The following PRKD1 variants were observed in gnomAD, a reference collection of about 807,000 sequenced individuals.
PRKD1 encodes the protein protein kinase D1, also known as serine/threonine-protein kinase D1.
Under a neutral mutation model 95.9 loss-of-function variants are expected in PRKD1, and 63 were observed. The ratio of observed to expected loss-of-function variants is 0.66; its 90% CI spans 0.54 to 0.81. The LOEUF (loss-of-function observed/expected upper bound fraction) is 0.81, where lower values mean the gene tolerates loss of function less well. Ranked by LOEUF, PRKD1 falls within the 30% of genes least tolerant of loss-of-function variation. PRKD1 has a pLI of 0.00. For missense variants in PRKD1, 1,048 were observed against 1,165.3 expected (o/e 0.90, Z 1.47); for synonymous variants, 425 against 423.1 (o/e 1.00, Z -0.05).
chr14:29,675,761 A>C (rs1268229821), intron 2 of PRKD1, among the ~76,000 whole-genome samples: 1 of 152,146 alleles, frequency 6.6e-6, no homozygotes, highest in Non-Finnish European at 1.5e-5. Context: ...TGGATTAAGA[A>C]AATGTGGCAC....
intron 1 of PRKD1, among the ~76,000 whole-genome samples, chr14:29,922,573 TGAAAA>T (rs937867350): frequency 6.6e-5 from 10 of 152,094 alleles, no homozygotes; most frequent in African/African-American, 2.4e-4. Flanking sequence ...TTATTAAACT[TGAAAA>T]GAAATTTAAA....
At chr14:29,699,307 A>T (rs1594439538) in intron 2 of PRKD1, among the ~76,000 whole-genome samples, 1 of 152,124 alleles carries the variant, frequency 6.6e-6, no homozygotes, top group Non-Finnish European at 1.5e-5. Flanking sequence ...ATTTCCCTGT[A>T]CCCTCATCAG....
intron 13 of PRKD1, among the ~76,000 whole-genome samples, chr14:29,617,195 T>C (rs1485711009): frequency 2.0e-5 from 3 of 152,208 alleles, no homozygotes; most frequent in Non-Finnish European, 4.4e-5. Flanking sequence ...TTATCCAGTC[T>C]ACCATTTTTC....
chr14:29,825,894 T>A (rs1357006799), intron 1 of PRKD1, among the ~76,000 whole-genome samples: 1 of 151,994 alleles, frequency 6.6e-6, no homozygotes, highest in Non-Finnish European at 1.5e-5. Context: ...AAAACAAAAA[T>A]GAACACCTAT....
intron 1 of PRKD1, among the ~76,000 whole-genome samples, chr14:29,800,656 G>C (rs907626167): frequency 9.2e-5 from 14 of 152,242 alleles, no homozygotes; most frequent in African/African-American, 2.6e-4. Flanking sequence ...TCTACACATA[G>C]ACATGCTGAT....
intron 1 of PRKD1, among the ~76,000 whole-genome samples, chr14:29,846,587 TA>T (rs1308153465): frequency 6.6e-6 from 1 of 152,186 alleles, no homozygotes; most frequent in Non-Finnish European, 1.5e-5. Flanking sequence ...TGGGCCAGGT[TA>T]AGTGTGTTTG....
At chr14:29,886,067 C>T (rs4981722) in intron 1 of PRKD1, among the ~76,000 whole-genome samples, 59,265 of 152,018 alleles carry the variant, frequency 0.39, 11,996 homozygotes, top group African/African-American at 0.5. Flanking sequence ...CCGGTATCCA[C>T]ACAAAGCCCC....
At position 29,633,979 on chromosome 14, in the gene PRKD1, G is replaced by C. The variant is rs45498591; in HGVS notation, c.1314+439C>G. ...CTATTAAGAAAATCTCAGGGTACAG[G>C]ATTCCAATGTTCCTGAATGGGTCAG... On this transcript the variant is annotated intron_variant, in intron 8 of 17. Transcript: ENST00000331968. Among the ~76,000 whole-genome samples the C allele has an allele frequency of 8.5e-3, 1,288 of 152,270 alleles. 22 individuals carry two copies. Among genetic ancestry groups the C allele is most frequent in the African/African-American group, 0.03 (1,227 of 41,558 alleles).
rs965654051 is a variant in PRKD1, at chr14:29,761,525, C to T, written c.265-35851G>A. On this transcript the variant is annotated intron_variant, in intron 1 of 17. Coordinates refer to ENST00000331968, the MANE Select transcript of PRKD1 (RefSeq NM_002742.3). ...TCTGCTGAGATAGATGAGACTTCCA[C>T]CTCTACTCTAGACAGATCCAAACCA... is the stretch of plus-strand genomic sequence containing the variant. Among the ~76,000 whole-genome samples, 11 of 152,274 alleles carry T rather than the reference C, an allele frequency of 7.2e-5. No homozygotes were observed. In the East Asian group the frequency reaches 9.7e-4, roughly 13 times the overall value.
At chr14:29,727,988 C>T (rs1437113431) in intron 1 of PRKD1, among the ~76,000 whole-genome samples, 4 of 150,156 alleles carry the variant, frequency 2.7e-5, no homozygotes, top group South Asian at 2.1e-4. Flanking sequence ...GGAAGGGGAA[C>T]ATCACACTCT....
intron 1 of PRKD1, among the ~76,000 whole-genome samples, chr14:29,731,945 C>G (rs965420060): frequency 3.3e-5 from 5 of 151,338 alleles, no homozygotes; most frequent in Admixed American, 6.6e-5. Flanking sequence ...ACGATCTTGG[C>G]TTATGGCAAC....
intron 1 of PRKD1, among the ~76,000 whole-genome samples, chr14:29,773,563 T>C (rs926837443): frequency 9.9e-5 from 15 of 152,166 alleles, no homozygotes; most frequent in African/African-American, 3.6e-4. Flanking sequence ...CAAATTTATT[T>C]TTCTGATGAG....
At chr14:29,624,636 T>G (rs1471889381) in intron 12 of PRKD1, among the ~76,000 whole-genome samples, 1 of 152,162 alleles carries the variant, frequency 6.6e-6, no homozygotes, top group African/African-American at 2.4e-5. Flanking sequence ...GATAAGATAA[T>G]GTATGTTATA....
At chr14:29,771,667 C>T (rs1307667681) in intron 1 of PRKD1, among the ~76,000 whole-genome samples, 1 of 152,150 alleles carries the variant, frequency 6.6e-6, no homozygotes, top group African/African-American at 2.4e-5. Context: ...GAACTCAGAA[C>T]TGTAGATACA....
intron 1 of PRKD1, among the ~76,000 whole-genome samples, chr14:29,735,052 T>C (rs1886649090): frequency 6.6e-6 from 1 of 152,202 alleles, no homozygotes; most frequent in African/African-American, 2.4e-5. Context: ...TTTATAAATT[T>C]TGTATTGTTT....
chr14:29,638,106 T>C (rs532163625), intron 6 of PRKD1, among the ~76,000 whole-genome samples: 54 of 152,306 alleles, frequency 3.5e-4, no homozygotes, highest in African/African-American at 1.1e-3. Context: ...AAGTTCCTTT[T>C]ATTATTAAAG....
intron 1 of PRKD1, among the ~76,000 whole-genome samples, chr14:29,732,469 C>T (rs942010860): frequency 6.6e-6 from 1 of 151,982 alleles, no homozygotes; most frequent in African/African-American, 2.4e-5. Context: ...GTTAGAAAAA[C>T]CAAAATAGAA....
intron 16 of PRKD1, among the ~76,000 whole-genome samples, chr14:29,587,859 T>A (rs1892990360): frequency 6.6e-6 from 1 of 152,190 alleles, no homozygotes; most frequent in African/African-American, 2.4e-5. Flanking sequence ...TCCAGAATCT[T>A]AAGTTGAGAT....
At chr14:29,677,091 A>C (rs1246271688) in intron 2 of PRKD1, among the ~76,000 whole-genome samples, 1 of 152,188 alleles carries the variant, frequency 6.6e-6, no homozygotes, top group Non-Finnish European at 1.5e-5. Flanking sequence ...ACAACAACAA[A>C]AAAATTGGAC....
Sources: allele counts gnomAD v4.1 joint callset (sites outside exome capture counted in the v4.1 genomes callset), GRCh38; gene constraint gnomAD v4.1.1; transcripts MANE v1.5; gene names NCBI Gene and HGNC (gene_info 2026-07-23, HGNC 2026-07-21).